The following SH2D4A variants were observed in gnomAD, a reference collection of about 807,000 sequenced individuals.
SH2D4A encodes the protein SH2 domain containing 4A.
In SH2D4A, 70 loss-of-function variants were observed where a neutral mutation model predicts 64.7. The ratio of observed to expected loss-of-function variants is 1.08; its 90% CI spans 0.89 to 1.32. The LOEUF is 1.32. SH2D4A is among the 40% of genes most tolerant of loss of function. The probability of loss-of-function intolerance (pLI) is 0.00; values close to 1 mark genes in which losing one functional copy is unlikely to be tolerated. For synonymous variants in SH2D4A, 268 were observed against 200.7 expected (o/e 1.34, Z -2.83); for missense variants, 706 against 540.1 (o/e 1.31, Z -3.04).
At chr8:19,377,855 A>G (rs1289778056) in intron 8 of SH2D4A, among the ~76,000 whole-genome samples, 1 of 152,158 alleles carries the variant, frequency 6.6e-6, no homozygotes, top group East Asian at 1.9e-4. Context: ...AGGAGGTAGG[A>G]TATGTGCATC....
chr8:19,322,728 G>A (rs1315004207), intron 2 of SH2D4A, among the ~76,000 whole-genome samples: 1 of 149,184 alleles, frequency 6.7e-6, no homozygotes, highest in African/African-American at 2.6e-5. Context: ...CAGTGCAGTG[G>A]TGTGACATTT....
intron 7 of SH2D4A, among the ~76,000 whole-genome samples, chr8:19,373,111 C>T (rs960232585): frequency 1.3e-5 from 2 of 151,994 alleles, no homozygotes; most frequent in African/African-American, 2.4e-5. Flanking sequence ...TACAAATGAA[C>T]TTAAATCTGT....
At chr8:19,384,640 G>A (rs894720896) in intron 8 of SH2D4A, among the ~76,000 whole-genome samples, 2 of 152,182 alleles carry the variant, frequency 1.3e-5, no homozygotes, top group Non-Finnish European at 2.9e-5. Context: ...CCTGCTGACT[G>A]AAGAGTCATC....
intron 4 of SH2D4A, among the ~76,000 whole-genome samples, chr8:19,339,046 A>G (rs1292821804): frequency 6.6e-6 from 1 of 152,246 alleles, no homozygotes; most frequent in Admixed American, 6.5e-5. Flanking sequence ...CCGACAGTGC[A>G]GCCTTCAGTC....
At chr8:19,393,242 A>T in intron 8 of SH2D4A, 76 bp from the exon 9 acceptor site, 1 of 1,339,148 alleles carries the variant, frequency 7.5e-7, no homozygotes, top group Non-Finnish European at 1.1e-6. Context: ...CTCTATATCC[A>T]TGCAGCTGGA....
At chr8:19,335,564 T>C (rs2052433399) in intron 4 of SH2D4A, among the ~76,000 whole-genome samples, 1 of 152,234 alleles carries the variant, frequency 6.6e-6, no homozygotes. Context: ...GTCACAGCTA[T>C]ACACAAATGA....
chr8:19,334,985 A>G (rs1454925342), intron 4 of SH2D4A, 128 bp downstream of exon 4: 1 of 1,138,720 alleles, frequency 8.8e-7, no homozygotes, highest in Non-Finnish European at 1.2e-6. Context: ...AATGCCTCCT[A>G]ACTTTAAGAT....
rs368296625 is a variant in SH2D4A, at chr8:19,393,387, G to C, written c.1118G>C (p.Arg373Pro). The C allele has an allele frequency of 1.2e-6, 2 of 1,614,042 alleles. No homozygotes were observed. The highest frequency in any genetic ancestry group is 1.7e-5 in the Admixed American group (1 of 60,024). ...GGCATGCCCGGCAGTTTTCTCATCC[G>C]AGTCAGTGAAAGGATCAAAGGCTAT... ...STGMPGSFLI[R>P]VSERIKGYAL... Residue 373 changes from arginine to proline, a missense_variant, in exon 9 of 10, where the codon CGA (arginine) becomes CCA (proline). By Grantham distance (103) the Arg-to-Pro change is moderately radical. Transcript: ENST00000265807.
intron 6 of SH2D4A, chr8:19,363,699 C>A (rs1486028521): frequency 9.9e-6 from 3 of 304,082 alleles, no homozygotes; most frequent in African/African-American, 2.2e-5. Flanking sequence ...CAGGGCGTGA[C>A]AATTGCCTCT....
chr8:19,357,936 CG>C (rs1554482266), intron 5 of SH2D4A, among the ~76,000 whole-genome samples: 1 of 152,010 alleles, frequency 6.6e-6, no homozygotes, highest in Non-Finnish European at 1.5e-5. Flanking sequence ...TTCCTGAGAT[CG>C]GGCTGTGGTG....
chr8:19,355,146 AC>A (rs2052771706), intron 4 of SH2D4A, among the ~76,000 whole-genome samples: 1 of 152,118 alleles, frequency 6.6e-6, no homozygotes, highest in Non-Finnish European at 1.5e-5. Flanking sequence ...TCTCTGCAAT[AC>A]TTGCGGGAGT....
At chr8:19,344,469 T>C (rs2052580945) in intron 4 of SH2D4A, among the ~76,000 whole-genome samples, 1 of 152,148 alleles carries the variant, frequency 6.6e-6, no homozygotes, top group Non-Finnish European at 1.5e-5. Flanking sequence ...TCTCTCTTAC[T>C]TCTTCTTCTG....
chr8:19,359,907 C>G (rs1243426885), intron 5 of SH2D4A, among the ~76,000 whole-genome samples: 3 of 152,184 alleles, frequency 2.0e-5, no homozygotes, highest in African/African-American at 4.8e-5. Context: ...AATTAAAAAG[C>G]TTGTCACTTG....
chr8:19,334,565 A>C (rs1426638695), intron 3 of SH2D4A, 121 bp from the exon 4 acceptor site: 1 of 1,052,598 alleles, frequency 9.5e-7, no homozygotes, highest in African/African-American at 1.6e-5. Flanking sequence ...GCATGTTAGA[A>C]GCACTCAGTA....
intron 8 of SH2D4A, among the ~76,000 whole-genome samples, chr8:19,386,784 C>CT (rs1563213757): frequency 1.3e-5 from 2 of 151,996 alleles, no homozygotes; most frequent in South Asian, 2.1e-4. Context: ...TTATCACATG[C>CT]TTTTTTTAAA....
intron 2 of SH2D4A, among the ~76,000 whole-genome samples, chr8:19,320,043 T>C (rs1299646313): frequency 1.3e-5 from 2 of 152,222 alleles, no homozygotes; most frequent in Non-Finnish European, 2.9e-5. Flanking sequence ...TCCTTTATTG[T>C]TACTGGTTCC....
At chr8:19,329,910 A>G (rs57125951) in intron 2 of SH2D4A, among the ~76,000 whole-genome samples, 4,206 of 152,254 alleles carry the variant, frequency 0.028, 202 homozygotes, top group African/African-American at 0.096. Context: ...AGTCTTGGGT[A>G]TGTCTTTATC....
intron 8 of SH2D4A, among the ~76,000 whole-genome samples, chr8:19,392,137 T>TG (rs2053503123): frequency 6.6e-6 from 1 of 152,168 alleles, no homozygotes; most frequent in Admixed American, 6.5e-5. Context: ...TTGGACTAAC[T>TG]GGGGAAAAGG....
chr8:19,330,015 T>C (rs1036822909), intron 2 of SH2D4A, among the ~76,000 whole-genome samples: 1 of 152,206 alleles, frequency 6.6e-6, no homozygotes, highest in Non-Finnish European at 1.5e-5. Context: ...TCACCTAATG[T>C]CTTGCTCCTT....
Sources: gnomAD v4.1 joint callset for allele counts (sites outside exome capture counted in the v4.1 genomes callset) on GRCh38, gnomAD v4.1.1 for gene constraint, MANE v1.5 for transcripts, NCBI Gene and HGNC (gene_info 2026-07-23, HGNC 2026-07-21) for gene names.